Variants in BNC2 observed in about 807,000 individuals in gnomAD.
BNC2 encodes the protein zinc finger protein basonuclin-2.
A neutral mutation model predicts 76.3 loss-of-function variants in BNC2; 20 were observed. The ratio of observed to expected loss-of-function variants is 0.26; its 90% confidence interval spans 0.18 to 0.38. BNC2 has a LOEUF of 0.38. Ranked by LOEUF, BNC2 falls within the 10% of genes least tolerant of loss-of-function variation. The pLI, the probability that BNC2 is intolerant of heterozygous loss-of-function variation, is 1.00. For missense variants in BNC2, 1,382 were observed against 1,399.8 expected (o/e 0.99, Z 0.20); for synonymous variants, 582 against 514.8 (o/e 1.13, Z -1.77).
At chr9:16,628,732 C>A (rs917783667) in intron 3 of BNC2, among the ~76,000 whole-genome samples, 1 of 152,138 alleles carries the variant, frequency 6.6e-6, no homozygotes, top group Non-Finnish European at 1.5e-5. Context: ...TCATTTGTAA[C>A]CACAAAGCAT....
At chr9:16,547,053 G>A (rs898142636) in intron 5 of BNC2, among the ~76,000 whole-genome samples, 1 of 152,228 alleles carries the variant, frequency 6.6e-6, no homozygotes, top group African/African-American at 2.4e-5. Flanking sequence ...ACACTTCTGT[G>A]ATCAGGGGAA....
At chr9:16,548,612 C>T (rs1265398824) in intron 5 of BNC2, among the ~76,000 whole-genome samples, 1 of 152,058 alleles carries the variant, frequency 6.6e-6, no homozygotes, top group African/African-American at 2.4e-5. Context: ...ACCATATTGG[C>T]CAGGCTGGTC....
Position 16,712,572 on chromosome 9 carries a change from G to A in BNC2, c.330+15225C>T, listed in dbSNP as rs536827924. Among the ~76,000 whole-genome samples, 8 of 152,284 alleles carry A rather than the reference G, an allele frequency of 5.3e-5. No homozygotes were observed. In the South Asian group the frequency reaches 1.7e-3, roughly 32 times the overall value. On this transcript the variant is annotated intron_variant, in intron 3 of 6. Coordinates refer to ENST00000380672, the MANE Select transcript of BNC2 (RefSeq NM_017637.6). ...AGACAACTGAAACACTAAAAGATGA[G>A]TATAATTTTAGAAGTATTTTCGTGG...
chr9:16,787,667 G>C (rs1171144679), intron 1 of BNC2, among the ~76,000 whole-genome samples: 1 of 152,096 alleles, frequency 6.6e-6, no homozygotes, highest in Non-Finnish European at 1.5e-5. Context: ...AACTACTCTG[G>C]CCACCGCTTC....
At chr9:16,852,126 T>G (rs1819141885) in intron 1 of BNC2, among the ~76,000 whole-genome samples, 1 of 152,156 alleles carries the variant, frequency 6.6e-6, no homozygotes, top group Non-Finnish European at 1.5e-5. Flanking sequence ...CAGAGATACA[T>G]TTTGCTTTAA....
intron 4 of BNC2, among the ~76,000 whole-genome samples, chr9:16,577,715 G>C (rs1288225362): frequency 1.3e-5 from 2 of 152,026 alleles, no homozygotes; most frequent in African/African-American, 2.4e-5. Context: ...TGCAGTAAAA[G>C]GAAATCACAT....
At chr9:16,865,012 G>C (rs191957171) in intron 1 of BNC2, among the ~76,000 whole-genome samples, 1 of 143,384 alleles carries the variant, frequency 7.0e-6, no homozygotes, top group Non-Finnish European at 1.5e-5. Context: ...TTTTGTGTCT[G>C]GGTACACGTC....
chr9:16,754,854 G>A (rs1448486139), intron 1 of BNC2, among the ~76,000 whole-genome samples: 2 of 152,140 alleles, frequency 1.3e-5, no homozygotes, highest in East Asian at 1.9e-4. Flanking sequence ...CACCGCGCCC[G>A]GCCCCAGCCA....
At chr9:16,565,832 T>C (rs57946399) in intron 4 of BNC2, among the ~76,000 whole-genome samples, 8,503 of 144,104 alleles carry the variant, frequency 0.059, 871 homozygotes, top group African/African-American at 0.2. Context: ...AACAAACAAA[T>C]AAACAAACAC....
At chr9:16,589,807 C>T (rs1429822664) in intron 3 of BNC2, among the ~76,000 whole-genome samples, 1 of 151,936 alleles carries the variant, frequency 6.6e-6, no homozygotes, top group African/African-American at 2.4e-5. Flanking sequence ...GGTGCCTGGC[C>T]CTAAAAACCT....
intron 1 of BNC2, among the ~76,000 whole-genome samples, chr9:16,743,857 C>T (rs145800445): frequency 5.2e-4 from 79 of 152,262 alleles, no homozygotes; most frequent in African/African-American, 1.9e-3. Context: ...CCAAAATACC[C>T]CAGGGGAAAA....
chr9:16,781,964 A>G (rs1241276414), intron 1 of BNC2, among the ~76,000 whole-genome samples: 1 of 152,172 alleles, frequency 6.6e-6, no homozygotes, highest in Non-Finnish European at 1.5e-5. Context: ...GATTATCTAT[A>G]TAATATTATT....
chr9:16,495,077 C>T (rs1822359093), intron 5 of BNC2, among the ~76,000 whole-genome samples: 1 of 152,112 alleles, frequency 6.6e-6, no homozygotes, highest in Non-Finnish European at 1.5e-5. Flanking sequence ...GAGTAAAGAA[C>T]AGGTTGGCGG....
At chr9:16,532,722 A>C (rs965729781) in intron 5 of BNC2, among the ~76,000 whole-genome samples, 7 of 152,210 alleles carry the variant, frequency 4.6e-5, no homozygotes, top group Admixed American at 4.6e-4. Context: ...ATGTTCTTAT[A>C]ATTATTTGAC....
At chr9:16,753,619 C>T (rs58544132) in intron 1 of BNC2, among the ~76,000 whole-genome samples, 1 of 152,088 alleles carries the variant, frequency 6.6e-6, no homozygotes, top group African/African-American at 2.4e-5. Context: ...ATCACACTGC[C>T]AACGGGTAAG....
At chr9:16,512,188 T>C (rs773973346) in intron 5 of BNC2, among the ~76,000 whole-genome samples, 19 of 152,214 alleles carry the variant, frequency 1.2e-4, no homozygotes, top group Non-Finnish European at 2.1e-4. Context: ...GGAAATGAAA[T>C]CCTTAAAAGG....
intron 4 of BNC2, among the ~76,000 whole-genome samples, chr9:16,562,076 T>C (rs946742533): frequency 6.6e-6 from 1 of 152,266 alleles, no homozygotes; most frequent in East Asian, 1.9e-4. Flanking sequence ...ATGAGTAAAG[T>C]GTAGCTAGAT....
rs1368564303 is a variant in BNC2 at position 16,409,630 on chromosome 9, A to G, written c.*9359T>C. On this transcript the variant is annotated 3_prime_UTR_variant, in exon 7 of 7. Coordinates refer to ENST00000380672, the MANE Select transcript of BNC2 (RefSeq NM_017637.6). ...CAAACCCTTATGCATTTTATGCAAA[A>G]GACATACTGTAGGCAGTTATAGTAC... The G allele has an allele frequency of 6.5e-6, 1 of 152,674 alleles. No individual in the cohort carries two copies. The highest frequency in any genetic ancestry group is 1.5e-5 in the Non-Finnish European group (1 of 68,048). 9.5% of individuals were successfully genotyped at this position (152,674 alleles called of 1,614,324 possible).
intron 1 of BNC2, among the ~76,000 whole-genome samples, chr9:16,857,568 T>C (rs938535789): frequency 6.7e-6 from 1 of 149,604 alleles, no homozygotes; most frequent in Non-Finnish European, 1.5e-5. Context: ...AAAAAAAAAA[T>C]TATCCTTAAA....
Sources: allele counts gnomAD v4.1 joint callset (sites outside exome capture counted in the v4.1 genomes callset), GRCh38; gene constraint gnomAD v4.1.1; transcripts MANE v1.5; gene names NCBI Gene and HGNC (gene_info 2026-07-23, HGNC 2026-07-21).